LTAP1: variants seen among roughly 807,000 people sequenced by gnomAD.
LTAP1 encodes HCV NS5A-transactivated protein 4.
At chr1:154,207,785 C>T in the LTAP1 span, 13 of 725,734 alleles carry the variant, frequency 1.8e-5, no homozygotes, top group Non-Finnish European at 2.7e-5. Flanking sequence ...AAACTAGTTA[C>T]TAAAACCCCA....
chr1:154,207,657 C>T, the LTAP1 span: 5 of 1,589,012 alleles, frequency 3.1e-6, no homozygotes, highest in Non-Finnish European at 3.4e-6. Flanking sequence ...CCCTGAAGAA[C>T]AGAGAGGGGA....
chr1:154,219,708 G>A, the LTAP1 span: 5 of 720,204 alleles, frequency 6.9e-6, no homozygotes, highest in Non-Finnish European at 9.1e-6. Flanking sequence ...GCTCAACTTA[G>A]TAAGTACAAG....
the LTAP1 span, among the ~76,000 whole-genome samples, chr1:154,215,861 G>T: frequency 6.9e-6 from 1 of 145,646 alleles, no homozygotes; most frequent in Non-Finnish European, 1.5e-5. Context: ...TTTTTGAGAC[G>T]GAGTCTCGCT....
At chr1:154,219,938 C>T in the LTAP1 span, 2 of 1,593,328 alleles carry the variant, frequency 1.3e-6, no homozygotes, top group African/African-American at 1.4e-5. Context: ...GTACAAACAC[C>T]TGTCCAAAAA....
chr1:154,207,759 ATCTG>A, the LTAP1 span: 1 of 904,326 alleles, frequency 1.1e-6, no homozygotes, highest in Non-Finnish European at 1.7e-6. Flanking sequence ...TTTGTGTCCT[ATCTG>A]TCCTATTTTG....
the LTAP1 span, chr1:154,214,508 G>T: frequency 6.2e-7 from 1 of 1,614,086 alleles, no homozygotes; most frequent in South Asian, 1.1e-5. Flanking sequence ...TCATCTGCAA[G>T]GAGCTGGGGC....
chr1:154,208,151 C>T, the LTAP1 span, among the ~76,000 whole-genome samples: 4 of 151,458 alleles, frequency 2.6e-5, no homozygotes, highest in Non-Finnish European at 4.4e-5. Context: ...ACCTGTAATC[C>T]CAGCACTTCA....
chr1:154,212,521 A>G, the LTAP1 span: 3 of 1,614,014 alleles, frequency 1.9e-6, no homozygotes, highest in East Asian at 4.5e-5. Context: ...CTTTGCGTAC[A>G]CCCTTGAAAG....
the LTAP1 span, chr1:154,220,511 C>T: frequency 2.3e-6 from 3 of 1,303,656 alleles, no homozygotes; most frequent in African/African-American, 2.9e-5. Context: ...TGGAGCTCCC[C>T]GGCCATTTCC....
At chr1:154,214,641 G>T in the LTAP1 span, 1 of 984,298 alleles carries the variant, frequency 1.0e-6, no homozygotes, top group Non-Finnish European at 1.6e-6. Context: ...ATGTGAAAAT[G>T]GGGCAGAGTT....
chr1:154,212,186 C>T, the LTAP1 span: 5 of 974,700 alleles, frequency 5.1e-6, no homozygotes, highest in South Asian at 1.3e-5. Flanking sequence ...AGAGACTGAT[C>T]TAATAGTCTA....
chr1:154,214,102 A>G, the LTAP1 span, among the ~76,000 whole-genome samples: 1 of 151,960 alleles, frequency 6.6e-6, no homozygotes, highest in Non-Finnish European at 1.5e-5. Context: ...ACATGGAGAA[A>G]CCCCGTCTCT....
At chr1:154,207,573 G>T in the LTAP1 span, 2 of 1,614,054 alleles carry the variant, frequency 1.2e-6, no homozygotes, top group South Asian at 2.2e-5. Context: ...TTGTTGGGGA[G>T]ACCTCAGGGG....
At chr1:154,209,433 T>G in the LTAP1 span, among the ~76,000 whole-genome samples, 1 of 150,472 alleles carries the variant, frequency 6.6e-6, no homozygotes, top group African/African-American at 2.5e-5. Context: ...GTTTTTTTTT[T>G]TTTTTTTTTT....
At chr1:154,213,795 C>G in the LTAP1 span, 2 of 954,584 alleles carry the variant, frequency 2.1e-6, no homozygotes, top group Non-Finnish European at 3.2e-6. Flanking sequence ...CAGGGATGTG[C>G]AGAAAGGACA....
At chr1:154,219,997 T>A in the LTAP1 span, 90 of 1,352,968 alleles carry the variant, frequency 6.7e-5, no homozygotes, top group South Asian at 1.7e-4. Flanking sequence ...GTTTTTTTTT[T>A]AAAAAAGCAT....
chr1:154,219,971 AAGTC>A, the LTAP1 span: 3 of 1,528,282 alleles, frequency 2.0e-6, no homozygotes, highest in Non-Finnish European at 1.8e-6. Flanking sequence ...CTTTAATAAA[AAGTC>A]AGTTTTGTTT....
At chr1:154,216,507 A>G in the LTAP1 span, among the ~76,000 whole-genome samples, 1 of 150,816 alleles carries the variant, frequency 6.6e-6, no homozygotes, top group African/African-American at 2.4e-5. Context: ...GCTAATTATT[A>G]AACATTTTTT....
the LTAP1 span, chr1:154,214,589 A>G: frequency 6.5e-7 from 1 of 1,533,312 alleles, no homozygotes. Flanking sequence ...TCACATAAAA[A>G]AAGAATACAC....
Sources: gnomAD v4.1 joint callset for allele counts (sites outside exome capture counted in the v4.1 genomes callset) on GRCh38, gnomAD v4.1.1 for gene constraint, MANE v1.5 for transcripts, NCBI Gene and HGNC (gene_info 2026-07-23, HGNC 2026-07-21) for gene names.